UNC13C: variants seen among roughly 807,000 people sequenced by gnomAD.
UNC13C encodes the protein protein unc-13 homolog C.
In UNC13C, 174 loss-of-function variants were observed where a neutral mutation model predicts 245.4. The observed-to-expected ratio is 0.71, with a 90% CI of 0.63 to 0.80. The LOEUF (loss-of-function observed/expected upper bound fraction) is 0.80. Among genes scored for constraint, UNC13C ranks in the 30% least tolerant of loss-of-function variants. The pLI, the probability that UNC13C is intolerant of heterozygous loss-of-function variation, is 0.00. For synonymous variants in UNC13C, 992 were observed against 895.1 expected (o/e 1.11, Z -1.93); for missense variants, 2,829 against 2,602.9 (o/e 1.09, Z -1.89).
chr15:54,609,258 C>T (rs912808502), intron 30 of UNC13C: 1 of 152,186 alleles, frequency 6.6e-6, no homozygotes, highest in Non-Finnish European at 1.5e-5. Context: ...TCTGCTGTCA[C>T]CCAGGTACCA....
intron 2 of UNC13C, among the ~76,000 whole-genome samples, chr15:54,034,663 A>G (rs1489833825): frequency 6.6e-6 from 1 of 152,212 alleles, no homozygotes; most frequent in East Asian, 1.9e-4. Context: ...ACATTTTATC[A>G]TCTTGCATGC....
chr15:54,364,830 G>A (rs1361605833), intron 17 of UNC13C, among the ~76,000 whole-genome samples: 1 of 152,186 alleles, frequency 6.6e-6, no homozygotes, highest in Non-Finnish European at 1.5e-5. Context: ...ATGAATAGCT[G>A]TGTGAATTAG....
At chr15:54,440,950 A>G (rs969879207) in intron 19 of UNC13C, among the ~76,000 whole-genome samples, 5 of 152,000 alleles carry the variant, frequency 3.3e-5, no homozygotes, top group Admixed American at 2.6e-4. Flanking sequence ...GACCACTTGT[A>G]TGTCTTCTTT....
At chr15:54,313,932 G>A (rs1042890577) in intron 13 of UNC13C, among the ~76,000 whole-genome samples, 1 of 146,060 alleles carries the variant, frequency 6.8e-6, no homozygotes, top group Non-Finnish European at 1.5e-5. Flanking sequence ...TACTCACAAT[G>A]GAATACTTTT....
At chr15:54,145,585 C>A (rs1303733921) in intron 4 of UNC13C, among the ~76,000 whole-genome samples, 2 of 152,172 alleles carry the variant, frequency 1.3e-5, no homozygotes, top group Non-Finnish European at 2.9e-5. Context: ...TCTACTACAA[C>A]ACCATGAATA....
chr15:54,223,054 C>T (rs550432549), intron 4 of UNC13C, among the ~76,000 whole-genome samples: 18 of 152,152 alleles, frequency 1.2e-4, no homozygotes, highest in African/African-American at 3.4e-4. Context: ...TGTCTCTTCA[C>T]GTTGTTGATT....
At position 54,339,057 on chromosome 15, in the gene UNC13C, G is replaced by A. The variant is rs57168382; in HGVS notation, c.4713+568G>A. 3.8e-3 allele frequency among the ~76,000 whole-genome samples: 581 copies of A among 152,054 alleles called. 24 individuals carry two copies. In the East Asian group the frequency reaches 0.083, roughly 22 times the overall value. Reference sequence around the variant, plus strand: ...AATTTTTTTTATATTTAATAGAGACGGGGTTTCTCCATGTTGGCCAGGCTG... The same window carrying A: ...AATTTTTTTTATATTTAATAGAGACAGGGTTTCTCCATGTTGGCCAGGCTG... On this transcript the variant is annotated intron_variant, in intron 17 of 32. Transcript: ENST00000260323.
At chr15:54,179,982 T>C (rs1031049196) in intron 4 of UNC13C, among the ~76,000 whole-genome samples, 4 of 152,074 alleles carry the variant, frequency 2.6e-5, no homozygotes, top group African/African-American at 4.8e-5. Flanking sequence ...TAAAATGATA[T>C]CTTTAAGTGC....
At chr15:54,252,496 T>C (rs74013557) in intron 8 of UNC13C, among the ~76,000 whole-genome samples, 3,854 of 152,180 alleles carry the variant, frequency 0.025, 160 homozygotes, top group African/African-American at 0.088. Flanking sequence ...TTTACTTTTT[T>C]CCTAAAATTG....
At chr15:54,027,194 A>C (rs1372174906) in intron 2 of UNC13C, among the ~76,000 whole-genome samples, 1 of 151,558 alleles carries the variant, frequency 6.6e-6, no homozygotes, top group African/African-American at 2.4e-5. Flanking sequence ...AAAAAAAAAA[A>C]CAGGAAAAGC....
intron 4 of UNC13C, among the ~76,000 whole-genome samples, chr15:54,210,257 G>A (rs1027104895): frequency 2.5e-4 from 37 of 145,450 alleles, no homozygotes; most frequent in African/African-American, 8.6e-4. Context: ...TATATATATG[G>A]TCTAACAAAA....
At chr15:53,882,311 C>T in the UNC13C span, among the ~76,000 whole-genome samples, 1 of 152,068 alleles carries the variant, frequency 6.6e-6, no homozygotes, top group African/African-American at 2.4e-5. Flanking sequence ...AATATAATAT[C>T]TTTGGGATTT....
chr15:54,601,550 A>G (rs1899426326), intron 30 of UNC13C, among the ~76,000 whole-genome samples: 1 of 152,240 alleles, frequency 6.6e-6, no homozygotes, highest in African/African-American at 2.4e-5. Context: ...TACTTGAATC[A>G]GAATCTTGCA....
chr15:53,974,103 C>G (rs1433767609), upstream of UNC13C, among the ~76,000 whole-genome samples: 1 of 152,042 alleles, frequency 6.6e-6, no homozygotes, highest in African/African-American at 2.4e-5. Flanking sequence ...TATAATACTA[C>G]TATAATGTTT....
At chr15:54,285,015 A>T (rs1382715836) in intron 10 of UNC13C, among the ~76,000 whole-genome samples, 1 of 152,150 alleles carries the variant, frequency 6.6e-6, no homozygotes, top group African/African-American at 2.4e-5. Flanking sequence ...AATGTAGTTT[A>T]TAAGGTCATA....
intron 4 of UNC13C, among the ~76,000 whole-genome samples, chr15:54,194,034 T>A (rs922116730): frequency 2.6e-5 from 4 of 152,138 alleles, no homozygotes; most frequent in Non-Finnish European, 5.9e-5. Context: ...TAGGTAAAGA[T>A]GAATTTATAA....
chr15:54,287,314 T>G (rs547009357), intron 10 of UNC13C, among the ~76,000 whole-genome samples: 1 of 152,342 alleles, frequency 6.6e-6, no homozygotes, highest in East Asian at 1.9e-4. Context: ...AAACACATTT[T>G]AAATAGCTAA....
Position 54,279,963 on chromosome 15 carries a change from T to G in UNC13C, c.3819-13932T>G, listed in dbSNP as rs73413834. On this transcript the variant is annotated intron_variant, in intron 10 of 32. Transcript: ENST00000260323. ...AGCAAATATTAAACAGTAAAAATTCTTAGTGTTAATGAGAGTACAGAGAAG... is the reference window on the plus strand; with the variant it reads ...AGCAAATATTAAACAGTAAAAATTCGTAGTGTTAATGAGAGTACAGAGAAG... Among the ~76,000 whole-genome samples, 821 of 152,276 alleles carry G rather than the reference T, an allele frequency of 5.4e-3. 9 individuals are homozygous for G. Among genetic ancestry groups the G allele is most frequent in the African/African-American group, 0.019 (783 of 41,566 alleles).
At chr15:54,563,772 A>G (rs1279453823) in intron 29 of UNC13C, among the ~76,000 whole-genome samples, 2 of 152,094 alleles carry the variant, frequency 1.3e-5, no homozygotes, top group South Asian at 2.1e-4. Context: ...ACTTCCATAC[A>G]TCACCCTCAC....
Sources: gnomAD v4.1 joint callset for allele counts (sites outside exome capture counted in the v4.1 genomes callset) on GRCh38, gnomAD v4.1.1 for gene constraint, MANE v1.5 for transcripts, NCBI Gene and HGNC (gene_info 2026-07-23, HGNC 2026-07-21) for gene names.